TF: variants seen among roughly 807,000 people sequenced by gnomAD.
TF encodes the protein transferrin.
A neutral mutation model predicts 82.4 loss-of-function variants in TF; 55 were observed. The ratio of observed to expected loss-of-function variants is 0.67; its 90% CI spans 0.54 to 0.84. The LOEUF (loss-of-function observed/expected upper bound fraction) is 0.84, where lower values mean the gene tolerates loss of function less well. TF is among the 40% of genes least tolerant of loss of function. The pLI, the probability that TF is intolerant of heterozygous loss-of-function variation, is 0.00. For synonymous variants in TF, 332 were observed against 332.6 expected (o/e 1.00, Z 0.02); for missense variants, 737 against 868.4 (o/e 0.85, Z 1.90).
chr3:133,735,589 A>C, the TF span, among the ~76,000 whole-genome samples: 1 of 152,216 alleles, frequency 6.6e-6, no homozygotes, highest in Admixed American at 6.5e-5. Flanking sequence ...AACTACAATA[A>C]TCAGTTTGAA....
At chr3:133,681,379 G>A in the TF span, among the ~76,000 whole-genome samples, 13 of 152,234 alleles carry the variant, frequency 8.5e-5, no homozygotes, top group Non-Finnish European at 1.8e-4. Flanking sequence ...AGCCCACGGA[G>A]CATGACCCGA....
chr3:133,771,089 C>T (rs1013320931), intron 14 of TF: 1 of 163,090 alleles, frequency 6.1e-6, no homozygotes, highest in African/African-American at 2.4e-5. Flanking sequence ...AAGTACTCTT[C>T]TTTACTAAAA....
chr3:133,771,936 C>G (rs993081111), intron 14 of TF, among the ~76,000 whole-genome samples: 1 of 151,954 alleles, frequency 6.6e-6, no homozygotes, highest in Non-Finnish European at 1.5e-5. Context: ...GAATACTTCC[C>G]TGCCTTCTCT....
At chr3:133,723,506 A>C in the TF span, among the ~76,000 whole-genome samples, 1 of 143,912 alleles carries the variant, frequency 6.9e-6, no homozygotes, top group Admixed American at 7.0e-5. Context: ...TGACTGGGTT[A>C]CTTTAAAATA....
the TF span, among the ~76,000 whole-genome samples, chr3:133,716,663 A>C: frequency 6.6e-6 from 1 of 152,136 alleles, no homozygotes; most frequent in Admixed American, 6.6e-5. Flanking sequence ...TCCACAACAC[A>C]TGAGCCAAAG....
At chr3:133,703,335 G>A in the TF span, among the ~76,000 whole-genome samples, 19 of 152,296 alleles carry the variant, frequency 1.2e-4, no homozygotes, top group Non-Finnish European at 1.9e-4. Flanking sequence ...CATGTAAATA[G>A]CATAGTATTG....
At chr3:133,693,598 T>A in the TF span, among the ~76,000 whole-genome samples, 449 of 152,248 alleles carry the variant, frequency 2.9e-3, 3 homozygotes, top group African/African-American at 0.01. Flanking sequence ...AGTGATCACT[T>A]GCCTCAGTGT....
At chr3:133,760,391 T>C (rs1393716691) in intron 9 of TF, 3 of 152,412 alleles carry the variant, frequency 2.0e-5, no homozygotes, top group Admixed American at 2.0e-4. Context: ...TTTATAGATA[T>C]CACTTTATGC....
chr3:133,757,905 A>G lies in TF; in HGVS notation c.1007A>G (p.Tyr336Cys), dbSNP rs1401357298. Residue 336 changes from tyrosine to cysteine, a missense_variant, in exon 8 of 17, where the codon TAT becomes TGT. By Grantham distance (194) the Tyr-to-Cys change is radical. Transcript: ENST00000402696. ...PRMDAKMYLGYEYVTAIRNLR... is the reference protein window; with the variant it reads ...PRMDAKMYLGCEYVTAIRNLR... ...ATGGATGCCAAGATGTACCTGGGCT[A>G]TGAGTATGTCACTGCCATCCGGAAT... 1.2e-6 allele frequency: 2 copies of G among 1,614,104 alleles called. No homozygotes were observed. Among genetic ancestry groups the G allele is most frequent in the Non-Finnish European group, 1.7e-6 (2 of 1,180,042 alleles).
intron 14 of TF, chr3:133,774,095 T>C (rs1002792241): frequency 3.3e-5 from 5 of 152,200 alleles, no homozygotes; most frequent in Non-Finnish European, 7.3e-5. Context: ...TTACAAAATA[T>C]AAAATATTAT....
intron 3 of TF, 107 bp downstream of exon 3, chr3:133,753,810 C>A: frequency 1.1e-6 from 1 of 913,874 alleles, no homozygotes; most frequent in Non-Finnish European, 1.8e-6. Flanking sequence ...GAACATTCAT[C>A]TTTGGAGAGT....
intron 14 of TF, 93 bp from the exon 15 acceptor site, chr3:133,775,340 C>T (rs1466580416): frequency 1.0e-5 from 14 of 1,358,094 alleles, no homozygotes; most frequent in African/African-American, 1.4e-5. Context: ...CGAGAAGGCC[C>T]AGGTTCTCTA....
intron 2 of TF, among the ~76,000 whole-genome samples, chr3:133,752,453 G>A (rs1933700389): frequency 1.3e-5 from 2 of 152,134 alleles, no homozygotes; most frequent in Admixed American, 1.3e-4. Flanking sequence ...AAGGGCTTCT[G>A]GAAAAATCAT....
the TF span, chr3:133,699,977 T>A: frequency 5.5e-6 from 1 of 180,894 alleles, no homozygotes; most frequent in Non-Finnish European, 1.2e-5. Context: ...CATGTGATCC[T>A]GCCCTCCTGA....
upstream of TF, chr3:133,746,269 A>G: frequency 1.4e-6 from 1 of 716,982 alleles, no homozygotes; most frequent in Non-Finnish European, 2.4e-6. Flanking sequence ...GGGACGAGTA[A>G]GGAAGGGGGG....
the TF span, among the ~76,000 whole-genome samples, chr3:133,727,811 G>C: frequency 8.6e-6 from 1 of 115,898 alleles, no homozygotes; most frequent in African/African-American, 3.2e-5. Context: ...TCCTTTCCAT[G>C]TTTAGTGCTT....
At chr3:133,756,374 A>G in intron 6 of TF, 37 bp downstream of exon 6, 1 of 1,600,494 alleles carries the variant, frequency 6.2e-7, no homozygotes, top group Non-Finnish European at 8.6e-7. Flanking sequence ...GGCCACTCCA[A>G]GTAGTGGGTG....
In TF at chr3:133,786,240, A is replaced by AG. The variant is rs397786949; in HGVS notation, c.*7620_*7621insG. 1.3e-5 allele frequency: 2 copies of AG among 149,196 alleles called. No homozygotes were observed. Among genetic ancestry groups the AG allele is most frequent in the Non-Finnish European group, 2.9e-5 (2 of 67,852 alleles). 9.2% of individuals were successfully genotyped at this position (149,196 alleles called of 1,614,324 possible). A position where few individuals can be genotyped will look rare whatever the true frequency, so the allele number is the denominator to read the frequency against. On this transcript the variant is annotated 3_prime_UTR_variant, in exon 17 of 17. Coordinates refer to ENST00000402696, the MANE Select transcript of TF (RefSeq NM_001063.4). Reference sequence around the variant, plus strand: ...AATAAATTAAAAAAAAAAAAAAAAAACAATACTATTTTTTGAACTATCTAC... The same window carrying AG: ...AATAAATTAAAAAAAAAAAAAAAAAAGCAATACTATTTTTTGAACTATCTAC...
rs1934817514 is a variant in TF at position 133,791,009 on chromosome 3, C to T, written c.*12389C>T. The T allele has an allele frequency of 1.3e-5, 2 of 152,122 alleles. No individual in the cohort carries two copies. The highest frequency in any genetic ancestry group is 2.4e-5 in the African/African-American group (1 of 41,406). The allele number at this position is 152,122 out of a possible 1,614,324, so 9.4% of individuals were successfully genotyped here. On this transcript the variant is annotated 3_prime_UTR_variant, in exon 17 of 17. Coordinates refer to ENST00000402696, the MANE Select transcript of TF (RefSeq NM_001063.4). ...AATTTTCATTTGTTTGCCATTTATT[C>T]TCCTCTGGCTTTGCTTGTGTATGCA... is the stretch of plus-strand genomic sequence containing the variant.
Sources: allele counts gnomAD v4.1 joint callset (sites outside exome capture counted in the v4.1 genomes callset), GRCh38; gene constraint gnomAD v4.1.1; transcripts MANE v1.5; gene names NCBI Gene and HGNC (gene_info 2026-07-23, HGNC 2026-07-21).